Variants in CHADL observed in about 807,000 individuals in gnomAD.
The protein encoded by CHADL is chondroadherin-like protein.
In CHADL, 48 loss-of-function variants were observed where a neutral mutation model predicts 52.1. The ratio of observed to expected loss-of-function variants is 0.92; its 90% confidence interval spans 0.73 to 1.17. CHADL has a LOEUF of 1.17. Ranked by LOEUF, CHADL falls within the 50% of genes most tolerant of loss-of-function variation. The probability of loss-of-function intolerance (pLI) is 0.00; values close to 1 mark genes in which losing one functional copy is unlikely to be tolerated. For missense variants in CHADL, 977 were observed against 1,035.1 expected (o/e 0.94, Z 0.77); for synonymous variants, 498 against 511.2 (o/e 0.97, Z 0.35).
chr22:41,237,908 CCCGGGGCCGCGCGGAGGG>C lies in CHADL; in HGVS notation c.1146_1163del (p.Pro383_Gly388del). 1 of 1,302,456 alleles carries C rather than the reference CCCGGGGCCGCGCGGAGGG, an allele frequency of 7.7e-7. No homozygotes were observed. Among genetic ancestry groups the C allele is most frequent in the Non-Finnish European group, 9.7e-7 (1 of 1,031,658 alleles). 80.7% of individuals were successfully genotyped at this position (1,302,456 alleles called of 1,614,324 possible). On this transcript the variant is annotated inframe_deletion, in exon 3 of 6. Transcript: ENST00000216241. ...GGCAAGGCGCGACTGCCCGCTCCTC[CCCGGGGCCGCGCGGAGGG>C]CCGCGCGGAGGGGCGCGGGGCCCGG...
Position 41,229,654 on chromosome 22 carries a change from A to C in CHADL, c.*50T>G. ...ATCTCGTCGGAGCCTGTTCCTGGCGAGAGTAAGAGCCACCGGGCTGGGTCA... is the reference window on the plus strand; with the variant it reads ...ATCTCGTCGGAGCCTGTTCCTGGCGCGAGTAAGAGCCACCGGGCTGGGTCA... On this transcript the variant is annotated 3_prime_UTR_variant, in exon 6 of 6. Coordinates refer to ENST00000216241, the MANE Select transcript of CHADL (RefSeq NM_138481.2). 6.2e-7 allele frequency: 1 copy of C among 1,613,428 alleles called. No individual in the cohort carries two copies. Among genetic ancestry groups the C allele is most frequent in the Non-Finnish European group, 8.5e-7 (1 of 1,180,026 alleles).
Position 41,239,638 on chromosome 22 carries a change from A to G in CHADL, c.9-18T>C, listed in dbSNP as rs2032826078. On this transcript the variant is annotated intron_variant, in intron 1 of 5. Transcript: ENST00000216241. ...TCCGGGGCCTGGGACGGGGAGGGAG[A>G]GTCTGTTGTGCACAAGGGCCGAGGC... 4.6e-6 allele frequency: 7 copies of G among 1,514,870 alleles called. No individual in the cohort carries two copies. In the South Asian group the frequency reaches 6.2e-5, roughly 13 times the overall value. The allele number at this position is 1,514,870 out of a possible 1,614,324, so 93.8% of individuals were successfully genotyped here.
Position 41,237,073 on chromosome 22 carries a change from G to C in CHADL, c.1896+103C>G, listed in dbSNP as rs569683459. The C allele has an allele frequency of 5.8e-4, 723 of 1,244,686 alleles. 7 individuals carry two copies. The African/African-American group carries it at 0.01, about 17-fold the overall frequency. 77.1% of individuals were successfully genotyped at this position (1,244,686 alleles called of 1,614,324 possible). Reference sequence around the variant, plus strand: ...CTCAGGGTCCCCGTGCCCAGGCTGAGACCTGGCACCAAGGGGCTGGCAAAT... The same window carrying C: ...CTCAGGGTCCCCGTGCCCAGGCTGACACCTGGCACCAAGGGGCTGGCAAAT... On this transcript the variant is annotated intron_variant, in intron 3 of 5. Coordinates refer to ENST00000216241, the MANE Select transcript of CHADL (RefSeq NM_138481.2).
chr22:41,235,425 C>A, intron 4 of CHADL, 82 bp from the exon 5 acceptor site: 1 of 1,163,372 alleles, frequency 8.6e-7, no homozygotes. Context: ...GGGTGTGGGG[C>A]AGGGTTGGTG....
At chr22:41,235,409 G>T in intron 4 of CHADL, 66 bp from the exon 5 acceptor site, 1 of 1,350,358 alleles carries the variant, frequency 7.4e-7, no homozygotes. Flanking sequence ...GGAGCAGGTG[G>T]GCACTGGGTG....
At chr22:41,235,377 G>A (rs192488393) in intron 4 of CHADL, 34 bp from the exon 5 acceptor site, 52 of 1,527,984 alleles carry the variant, frequency 3.4e-5, no homozygotes, top group Non-Finnish European at 4.0e-5. Flanking sequence ...AGCTAGCTGT[G>A]CTGATTCTGC....
rs1601557478 is a variant in CHADL at position 41,236,600 on chromosome 22, G to T, written c.1947C>A (p.His649Gln). The T allele has an allele frequency of 6.4e-7, 1 of 1,550,942 alleles. No homozygotes were observed. Among genetic ancestry groups the T allele is most frequent in the Non-Finnish European group, 8.7e-7 (1 of 1,146,946 alleles). ...GGGCCCGAAGCTGGTTCTTCTGCAG[G>T]TGCAGGCTCTGGAGCCCGGGCCCCA... ...SGLGPGLQSLHLQKNQLRALP... is the reference protein window; with the variant it reads ...SGLGPGLQSLQLQKNQLRALP... Residue 649 changes from histidine to glutamine, a missense_variant, in exon 4 of 6, where the codon CAC becomes CAA. Physicochemically the swap from His to Gln is conservative, Grantham distance 24. Coordinates refer to ENST00000216241, the MANE Select transcript of CHADL (RefSeq NM_138481.2).
chr22:41,230,079 G>GTC, intron 5 of CHADL: 2 of 532,754 alleles, frequency 3.8e-6, no homozygotes, highest in Non-Finnish European at 5.9e-6. Flanking sequence ...CAGCTCCTCC[G>GTC]CCCCCACCCC....
chr22:41,237,206 G>T lies in CHADL; in HGVS notation c.1866C>A (p.His622Gln), dbSNP rs1352046927. 2 of 1,547,790 alleles carry T rather than the reference G, an allele frequency of 1.3e-6. No homozygotes were observed. Among genetic ancestry groups the T allele is most frequent in the Admixed American group, 2.0e-5 (1 of 50,928 alleles). Residue 622 changes from histidine to glutamine, a missense_variant, in exon 3 of 6, where the codon CAC (histidine) becomes CAA (glutamine). Physicochemically the swap from His to Gln is conservative, Grantham distance 24. Coordinates refer to ENST00000216241, the MANE Select transcript of CHADL (RefSeq NM_138481.2). ...AFQPVGRSLQ[H>Q]LFLNSSGLEQ... ...CCAGGCCACTGCTGTTCAGGAAGAG[G>T]TGCTGCAGCGACCTGCCCACAGGCT...
Position 41,235,062 on chromosome 22 carries a change from C to T in CHADL, c.2262+83G>A, listed in dbSNP as rs1282639971. The T allele has an allele frequency of 3.6e-6, 5 of 1,397,922 alleles. No individual in the cohort carries two copies. In the East Asian group the frequency reaches 7.5e-5, roughly 21 times the overall value. The allele number at this position is 1,397,922 out of a possible 1,614,324, so 86.6% of individuals were successfully genotyped here. A position where few individuals can be genotyped will look rare whatever the true frequency, so the allele number is the denominator to read the frequency against. On this transcript the variant is annotated intron_variant, in intron 5 of 5. Coordinates refer to ENST00000216241, the MANE Select transcript of CHADL (RefSeq NM_138481.2). ...GGAACCACATGAATCAGGACCAAGC[C>T]AAGTCAGGCTCCTGCTTCCTGGGGA...
Position 41,239,524 on chromosome 22 carries a change from C to T in CHADL, c.105G>A (p.Gln35=), listed in dbSNP as rs773977508. Residue 35 remains glutamine (Q), a synonymous_variant, in exon 2 of 6, where the codon CAG becomes CAA. Coordinates refer to ENST00000216241, the MANE Select transcript of CHADL (RefSeq NM_138481.2). ...ARQAAAQRCP[Q]ACICDNSRRH... ...GCCTGGAGTTGTCACAGATGCAGGC[C>T]TGTGGGCAGCGCTGGGCGGCGGCCT... 8 of 1,550,306 alleles carry T rather than the reference C, an allele frequency of 5.2e-6. No individual in the cohort carries two copies. In the South Asian group the frequency reaches 9.5e-5, roughly 18 times the overall value.
chr22:41,240,755 A>C (rs2032847542), intron 1 of CHADL, 119 bp downstream of exon 1: 5 of 1,234,094 alleles, frequency 4.1e-6, no homozygotes, highest in Non-Finnish European at 5.7e-6. Context: ...GGAGAACCCC[A>C]GGAAGTCCCC....
intron 1 of CHADL, among the ~76,000 whole-genome samples, chr22:41,240,490 G>C (rs932974039): frequency 6.6e-6 from 1 of 152,202 alleles, no homozygotes; most frequent in African/African-American, 2.4e-5. Flanking sequence ...CTGGACTATC[G>C]TCTGTTTTGG....
chr22:41,235,979 C>G (rs2032733015), intron 4 of CHADL, among the ~76,000 whole-genome samples: 1 of 152,146 alleles, frequency 6.6e-6, no homozygotes, highest in Non-Finnish European at 1.5e-5. Flanking sequence ...TCAAGCAATT[C>G]TCCTGCCTCA....
intron 2 of CHADL, 133 bp downstream of exon 2, chr22:41,239,310 T>C (rs969746791): frequency 1.3e-6 from 1 of 750,426 alleles, no homozygotes; most frequent in Non-Finnish European, 2.2e-6. Context: ...AAACTGAGGC[T>C]CAAAGAGAAG....
At position 41,239,552 on chromosome 22, in the gene CHADL, C is replaced by T; in HGVS notation, c.77G>A (p.Arg26Lys). The change falls in exon 2 of 6, where the codon AGG (arginine) becomes AAG (lysine). Residue 26 changes from arginine to lysine, a missense_variant. Physicochemically the swap from Arg to Lys is conservative, Grantham distance 26. Transcript: ENST00000216241. ...TGGGCAGCGCTGGGCGGCGGCCTGC[C>T]TAGCCGGGGCCAGCAGCAGAAGTAC... ...LLVLLLLAPA[R>K]QAAAQRCPQA... The T allele has an allele frequency of 6.5e-7, 1 of 1,548,244 alleles. No homozygotes were observed. Among genetic ancestry groups the T allele is most frequent in the Non-Finnish European group, 8.7e-7 (1 of 1,145,864 alleles).
chr22:41,238,416 T>C lies in CHADL; in HGVS notation c.656A>G (p.Gln219Arg). ...RRLSLHHNEL[Q>R]ALPGPVLSQA... ...GGACAAGACAGGCCCGGGCAGAGCCTGGAGCTCGTTGTGGTGTAGGCTGAG... is the reference window on the plus strand; with the variant it reads ...GGACAAGACAGGCCCGGGCAGAGCCCGGAGCTCGTTGTGGTGTAGGCTGAG... The change falls in exon 3 of 6, where the codon CAG becomes CGG. Residue 219 changes from glutamine (Q) to arginine (R), a missense_variant. Coordinates refer to ENST00000216241, the MANE Select transcript of CHADL (RefSeq NM_138481.2). This position sits in a 1 kb window ranked among gnomAD's most constrained non-coding sequence, Gnocchi z 4.9. 1 of 1,519,752 alleles carries C rather than the reference T, an allele frequency of 6.6e-7. No homozygotes were observed. The highest frequency in any genetic ancestry group is 8.8e-7 in the Non-Finnish European group (1 of 1,136,758). The allele number at this position is 1,519,752 out of a possible 1,614,324, so 94.1% of individuals were successfully genotyped here. A position where few individuals can be genotyped will look rare whatever the true frequency, so the allele number is the denominator to read the frequency against.
rs1433812509 is a variant in CHADL, at chr22:41,237,215, C to T, written c.1857G>A (p.Ser619=). The change falls in exon 3 of 6, where the codon TCG becomes TCA. Residue 619 remains serine (S), a synonymous_variant. Transcript: ENST00000216241. Reference sequence around the variant, plus strand: ...TGCTGTTCAGGAAGAGGTGCTGCAGCGACCTGCCCACAGGCTGGAAGGCTC... The same window carrying T: ...TGCTGTTCAGGAAGAGGTGCTGCAGTGACCTGCCCACAGGCTGGAAGGCTC... The part of the protein sequence containing the change: ...RDGAFQPVGR[S]LQHLFLNSSG... 4.5e-6 allele frequency: 7 copies of T among 1,548,522 alleles called. No individual in the cohort carries two copies. Among genetic ancestry groups the T allele is most frequent in the Non-Finnish European group, 6.1e-6 (7 of 1,145,636 alleles).
chr22:41,238,833 G>A lies in CHADL; in HGVS notation c.239C>T (p.Ala80Val). ...QGNLLKVIPA[A>V]AFQGVPHLTH... ...GAGGTGAGGCACGCCCTGGAAGGCG[G>A]CTGCGGGGATCACCTTCAGCAAATT... The change falls in exon 3 of 6, where the codon GCC (alanine) becomes GTC (valine). Residue 80 changes from alanine (A) to valine (V), a missense_variant. By Grantham distance (64) the Ala-to-Val change is moderately conservative. Transcript: ENST00000216241. The surrounding 1 kb of genome is among the most constrained non-coding windows in gnomAD (Gnocchi z 4.9). The A allele has an allele frequency of 4.5e-6, 7 of 1,547,362 alleles. No individual in the cohort carries two copies. The highest frequency in any genetic ancestry group is 6.1e-6 in the Non-Finnish European group (7 of 1,144,892).
Sources: gnomAD v4.1 joint callset for allele counts (sites outside exome capture counted in the v4.1 genomes callset) on GRCh38, gnomAD v4.1.1 for gene constraint, Gnocchi (gnomAD v3.1) non-coding constraint, MANE v1.5 for transcripts, NCBI Gene and HGNC (gene_info 2026-07-23, HGNC 2026-07-21) for gene names.